Variants in APBA2 observed in about 807,000 individuals in gnomAD.
APBA2 encodes amyloid beta precursor protein binding family A member 2, also known as amyloid-beta A4 precursor protein-binding family A member 2.
A neutral mutation model predicts 75.0 loss-of-function variants in APBA2; 30 were observed. That is an observed-to-expected ratio of 0.40 (90% confidence interval 0.30 to 0.54). The LOEUF (loss-of-function observed/expected upper bound fraction) is 0.54. APBA2 is among the 20% of genes least tolerant of loss of function. The pLI, the probability that APBA2 is intolerant of heterozygous loss-of-function variation, is 0.49. For missense variants in APBA2, 801 were observed against 1,016.1 expected (o/e 0.79, Z 2.88); for synonymous variants, 444 against 409.6 (o/e 1.08, Z -1.01).
At chr15:29,066,554 G>A (rs2042386598) in intron 4 of APBA2, among the ~76,000 whole-genome samples, 1 of 152,070 alleles carries the variant, frequency 6.6e-6, no homozygotes, top group Non-Finnish European at 1.5e-5. Flanking sequence ...GCTGGAGAGA[G>A]CAGGGAGTGG....
intron 3 of APBA2, among the ~76,000 whole-genome samples, chr15:29,017,981 C>G (rs989822078): frequency 6.6e-6 from 1 of 152,032 alleles, no homozygotes; most frequent in African/African-American, 2.4e-5. Flanking sequence ...ACCTTCCTCC[C>G]AGATCTGTGA....
intron 13 of APBA2, among the ~76,000 whole-genome samples, chr15:29,110,017 C>G (rs911309123): frequency 6.6e-6 from 1 of 152,250 alleles, no homozygotes; most frequent in South Asian, 2.1e-4. Context: ...CCTGACTGCT[C>G]TGCACACATG....
intron 3 of APBA2, among the ~76,000 whole-genome samples, chr15:28,998,645 TTG>T (rs1222484227): frequency 6.6e-6 from 1 of 151,950 alleles, no homozygotes; most frequent in Non-Finnish European, 1.5e-5. Context: ...TGTGTGACAT[TTG>T]TGCAGGGAGA....
At chr15:28,911,373 A>G (rs2033419346) in intron 1 of APBA2, among the ~76,000 whole-genome samples, 1 of 152,152 alleles carries the variant, frequency 6.6e-6, no homozygotes, top group Non-Finnish European at 1.5e-5. Flanking sequence ...CTGAACAAAT[A>G]AGATAGTCAT....
chr15:28,894,066 T>G (rs35788849), intron 1 of APBA2: 1 of 151,904 alleles, frequency 6.6e-6, no homozygotes. Context: ...TCCTTTTATC[T>G]GTCACATAGG....
chr15:29,072,990 C>T (rs1454640265), intron 4 of APBA2, among the ~76,000 whole-genome samples: 1 of 152,186 alleles, frequency 6.6e-6, no homozygotes, highest in African/African-American at 2.4e-5. Context: ...CCTGCATCCC[C>T]CACTCCCATT....
chr15:28,960,686 C>T (rs550615163), intron 2 of APBA2, among the ~76,000 whole-genome samples: 30 of 151,350 alleles, frequency 2.0e-4, no homozygotes, highest in African/African-American at 5.3e-4. Flanking sequence ...GCTTTGCCCA[C>T]GTCAGAGCCA....
intron 6 of APBA2, among the ~76,000 whole-genome samples, chr15:29,088,251 G>A (rs987696526): frequency 6.6e-6 from 1 of 152,158 alleles, no homozygotes; most frequent in Non-Finnish European, 1.5e-5. Context: ...GAGTCCTGGG[G>A]CTTCATCCTG....
At chr15:29,010,937 G>A (rs2039374256) in intron 3 of APBA2, among the ~76,000 whole-genome samples, 1 of 152,190 alleles carries the variant, frequency 6.6e-6, no homozygotes, top group African/African-American at 2.4e-5. Flanking sequence ...AATTCATAAT[G>A]TTGTGAAGCA....
intron 2 of APBA2, among the ~76,000 whole-genome samples, chr15:28,989,520 G>A (rs72716214): frequency 0.033 from 4,989 of 152,302 alleles, 179 homozygotes; most frequent in East Asian, 0.16. Context: ...GAGCTCAGAT[G>A]TGTCTGAGAA....
Position 29,002,673 on chromosome 15 carries a change from A to G in APBA2, c.-41+6867A>G, listed in dbSNP as rs188125659. Among the ~76,000 whole-genome samples the G allele has an allele frequency of 3.3e-5, 5 of 152,078 alleles. No individual in the cohort carries two copies. The East Asian group carries it at 9.7e-4, about 30-fold the overall frequency. On this transcript the variant is annotated intron_variant, in intron 3 of 14. Transcript: ENST00000683413. ...TGGATTTGTATTCATTGTTCATCTA[A>G]AAGTGATTATGTTGAAAAACAGAAT...
intron 2 of APBA2, among the ~76,000 whole-genome samples, chr15:28,962,859 A>T (rs996876593): frequency 1.1e-4 from 17 of 152,198 alleles, no homozygotes; most frequent in Admixed American, 9.8e-4. Flanking sequence ...GGTCTTCTTT[A>T]AATTGGTACT....
Position 29,054,337 on chromosome 15 carries a change from C to T in APBA2, c.453C>T (p.Gly151=), listed in dbSNP as rs758405411. 2 of 1,613,926 alleles carry T rather than the reference C, an allele frequency of 1.2e-6. No homozygotes were observed. The highest frequency in any genetic ancestry group is 1.7e-6 in the Non-Finnish European group (2 of 1,180,016). ...WTDSAGPHPH[G]HEAEGSQDYP... The stretch of plus-strand genomic sequence containing the variant: ...ACTCGGCGGGCCCGCACCCCCACGG[C>T]CACGAGGCTGAAGGCAGCCAGGACT... Residue 151 remains glycine (G), a synonymous_variant, in exon 4 of 15, where the codon GGC becomes GGT. Coordinates refer to ENST00000683413, the MANE Select transcript of APBA2 (RefSeq NM_001353788.2). This position sits in a 1 kb window ranked among gnomAD's most constrained non-coding sequence, Gnocchi z 6.1.
chr15:29,042,535 G>A (rs1274741405), intron 3 of APBA2, among the ~76,000 whole-genome samples: 1 of 152,090 alleles, frequency 6.6e-6, no homozygotes, highest in Non-Finnish European at 1.5e-5. Context: ...TGGGATTACA[G>A]GAGTGAGCCA....
chr15:29,081,472 C>T (rs996645589), intron 6 of APBA2, among the ~76,000 whole-genome samples: 8 of 152,204 alleles, frequency 5.3e-5, no homozygotes, highest in Non-Finnish European at 1.2e-4. Flanking sequence ...AAAGATTTCT[C>T]AGAATAGTGC....
chr15:29,070,156 T>C (rs1255914863), intron 4 of APBA2, among the ~76,000 whole-genome samples: 7 of 152,172 alleles, frequency 4.6e-5, no homozygotes, highest in Non-Finnish European at 4.4e-5. Context: ...AAAAAACTTA[T>C]AGTGGTGAGG....
At chr15:28,906,471 TG>T (rs1434408159) in intron 1 of APBA2, among the ~76,000 whole-genome samples, 1 of 152,232 alleles carries the variant, frequency 6.6e-6, no homozygotes, top group Non-Finnish European at 1.5e-5. Context: ...TAAACTCTTG[TG>T]TCTGCATGGG....
chr15:29,116,481 C>T (rs1308362906), intron 14 of APBA2, among the ~76,000 whole-genome samples: 5 of 150,692 alleles, frequency 3.3e-5, no homozygotes, highest in East Asian at 1.9e-4. Flanking sequence ...CAAAAAAATT[C>T]GCTGGGTGTG....
chr15:28,940,356 C>CAAAAAAAAAAAAAAAAAA (rs398043111), intron 2 of APBA2, among the ~76,000 whole-genome samples: 4 of 38,438 alleles, frequency 1.0e-4, no homozygotes, highest in Non-Finnish European at 1.2e-4. Context: ...ACTAAAAATA[C>CAAAAAAAAAAAAAAAAAA]AAAAAAAAAA....
Sources: allele counts gnomAD v4.1 joint callset (sites outside exome capture counted in the v4.1 genomes callset), GRCh38; gene constraint gnomAD v4.1.1; non-coding constraint Gnocchi (gnomAD v3.1); transcripts MANE v1.5; gene names NCBI Gene and HGNC (gene_info 2026-07-23, HGNC 2026-07-21).